FGF14: variants seen among roughly 807,000 people sequenced by gnomAD.
FGF14 encodes fibroblast growth factor homologous factor 4.
FGF14 carries 5 observed loss-of-function variants against 25.5 expected under a neutral mutation model. The ratio of observed to expected loss-of-function variants is 0.20; its 90% CI spans 0.10 to 0.41. The LOEUF (loss-of-function observed/expected upper bound fraction) is 0.41, where lower values mean the gene tolerates loss of function less well. Ranked by LOEUF, FGF14 falls within the 10% of genes least tolerant of loss-of-function variation. FGF14 has a pLI of 1.00. For missense variants in FGF14, 222 were observed against 320.1 expected (o/e 0.69, Z 2.34); for synonymous variants, 138 against 118.3 (o/e 1.17, Z -1.08).
chr13:101,724,354 ACAC>A (rs977732086), intron 4 of FGF14, among the ~76,000 whole-genome samples: 60 of 151,356 alleles, frequency 4.0e-4, no homozygotes, highest in African/African-American at 1.4e-3. Context: ...AAAAAACCAA[ACAC>A]CACATGTTCT....
At position 101,968,369 on chromosome 13, in the gene FGF14, C is replaced by T. The variant is rs906701778; in HGVS notation, c.209-93073G>A. Among the ~76,000 whole-genome samples, 17 of 152,012 alleles carry T rather than the reference C, an allele frequency of 1.1e-4. No homozygotes were observed. The South Asian group carries it at 2.5e-3, about 22-fold the overall frequency. On this transcript the variant is annotated intron_variant, in intron 1 of 4. Coordinates refer to the FGF14 transcript ENST00000376131. ...AAATCTTATTTTAACAGCTACTGAA[C>T]ACATTAAAAAAAATACAGCTTAGGC...
intron 3 of FGF14, among the ~76,000 whole-genome samples, chr13:101,860,965 G>A (rs570121177): frequency 8.5e-5 from 13 of 152,186 alleles, no homozygotes; most frequent in Middle Eastern, 6.8e-3. Flanking sequence ...AATTCAGCTA[G>A]TATTCTGCTC....
intron 1 of FGF14, among the ~76,000 whole-genome samples, chr13:101,938,956 A>G (rs749185184): frequency 1.3e-5 from 2 of 152,208 alleles, no homozygotes; most frequent in Non-Finnish European, 2.9e-5. Flanking sequence ...TTCAGTTATC[A>G]TAATGGAGTG....
At position 102,286,979 on chromosome 13, in the gene FGF14, TGGGGGA is replaced by T. The variant is rs890531466; in HGVS notation, c.208+114486_208+114491del. Among the ~76,000 whole-genome samples, 9 of 115,440 alleles carry T rather than the reference TGGGGGA, an allele frequency of 7.8e-5. No individual in the cohort carries two copies. In the Admixed American group the frequency reaches 9.0e-4, roughly 12 times the overall value. 75.7% of individuals were successfully genotyped at this position (115,440 alleles called of 152,430 possible). On this transcript the variant is annotated intron_variant, in intron 1 of 4. Coordinates refer to the FGF14 transcript ENST00000376131. ...TGTGATATTTGAGCTTTAATAGTCATGGGGGAGGGGGAGGGGGAGGGATAGCATTAG... is the reference window on the plus strand; with the variant it reads ...TGTGATATTTGAGCTTTAATAGTCATGGGGGAGGGGGAGGGATAGCATTAG...
intron 1 of FGF14, among the ~76,000 whole-genome samples, chr13:102,261,324 A>G (rs2052705331): frequency 6.6e-6 from 1 of 152,222 alleles, no homozygotes; most frequent in African/African-American, 2.4e-5. Context: ...TGGATGTTGT[A>G]GAAGAAAATC....
At chr13:101,846,238 G>T (rs1291219756) in intron 3 of FGF14, among the ~76,000 whole-genome samples, 1 of 151,642 alleles carries the variant, frequency 6.6e-6, no homozygotes, top group Non-Finnish European at 1.5e-5. Flanking sequence ...CAAAGCTCCA[G>T]GTGATTTTTT....
At chr13:101,776,544 G>C (rs79813190) in intron 3 of FGF14, among the ~76,000 whole-genome samples, 8 of 152,148 alleles carry the variant, frequency 5.3e-5, no homozygotes, top group African/African-American at 1.9e-4. Flanking sequence ...AGCCTTCGAG[G>C]GTGTCTCCTT....
At chr13:101,815,021 C>A (rs1376211254) in intron 3 of FGF14, among the ~76,000 whole-genome samples, 1 of 152,192 alleles carries the variant, frequency 6.6e-6, no homozygotes, top group Non-Finnish European at 1.5e-5. Context: ...TGTGTACCAA[C>A]AAGGTGGGTA....
intron 3 of FGF14, among the ~76,000 whole-genome samples, chr13:101,768,125 A>T (rs529238676): frequency 6.6e-6 from 1 of 152,270 alleles, no homozygotes; most frequent in South Asian, 2.1e-4. Context: ...ACATAAGATA[A>T]AATATCTATT....
chr13:102,089,155 A>G (rs568040640), intron 1 of FGF14, among the ~76,000 whole-genome samples: 1 of 151,908 alleles, frequency 6.6e-6, no homozygotes, highest in South Asian at 2.1e-4. Context: ...TCTATTTTAA[A>G]TATTTGTTTG....
At chr13:101,790,879 A>G (rs964689423) in intron 3 of FGF14, among the ~76,000 whole-genome samples, 2 of 152,146 alleles carry the variant, frequency 1.3e-5, no homozygotes, top group East Asian at 3.8e-4. Flanking sequence ...GCAATTCATT[A>G]TATTTGTTTT....
intron 3 of FGF14, among the ~76,000 whole-genome samples, chr13:101,729,792 T>C (rs988625096): frequency 1.3e-5 from 2 of 152,090 alleles, no homozygotes; most frequent in African/African-American, 4.8e-5. Context: ...ATGAAAACCA[T>C]TTTACACAAA....
At chr13:101,950,704 C>A (rs1173055903) in intron 1 of FGF14, among the ~76,000 whole-genome samples, 3 of 151,198 alleles carry the variant, frequency 2.0e-5, no homozygotes, top group Admixed American at 6.6e-5. Flanking sequence ...CATTTGAATG[C>A]CAAATTTAAA....
At chr13:102,074,529 A>G (rs1318612465) in intron 1 of FGF14, among the ~76,000 whole-genome samples, 1 of 152,188 alleles carries the variant, frequency 6.6e-6, no homozygotes, top group African/African-American at 2.4e-5. Flanking sequence ...AACAAGATAG[A>G]TTTAGTTTAC....
chr13:101,971,002 T>C (rs1001345297), intron 1 of FGF14, among the ~76,000 whole-genome samples: 3 of 152,172 alleles, frequency 2.0e-5, no homozygotes, highest in Admixed American at 1.3e-4. Context: ...CATATGCACA[T>C]AGTTTATATG....
intron 1 of FGF14, among the ~76,000 whole-genome samples, chr13:102,160,130 G>T (rs2047553781): frequency 6.6e-6 from 1 of 152,118 alleles, no homozygotes; most frequent in African/African-American, 2.4e-5. Context: ...GCTCTAAGAA[G>T]GGAAGGAAAT....
At chr13:102,123,692 C>T (rs1044285441) in intron 1 of FGF14, among the ~76,000 whole-genome samples, 30 of 152,182 alleles carry the variant, frequency 2.0e-4, no homozygotes, top group African/African-American at 7.2e-4. Flanking sequence ...TTAGAGATAG[C>T]GGATATCACT....
chr13:102,169,658 G>A (rs1177494672), intron 1 of FGF14, among the ~76,000 whole-genome samples: 1 of 152,040 alleles, frequency 6.6e-6, no homozygotes, highest in Non-Finnish European at 1.5e-5. Context: ...AAAGAAGTGG[G>A]GTTTTTTTTG....
In FGF14 at chr13:101,916,670, G is replaced by A. The variant is rs1449792463; in HGVS notation, c.-25C>T. 2 of 1,494,530 alleles carry A rather than the reference G, an allele frequency of 1.3e-6. No individual in the cohort carries two copies. Among genetic ancestry groups the A allele is most frequent in the East Asian group, 2.5e-5 (1 of 40,372 alleles). 92.6% of individuals were successfully genotyped at this position (1,494,530 alleles called of 1,614,324 possible). On this transcript the variant is annotated 5_prime_UTR_variant, in exon 1 of 5. Transcript: ENST00000376143. ...TGGTGGCCCCGGGAACGGGTCCGGG[G>A]AGGGAGGGCGCGGGAGGACGGCGAG...
Sources: gnomAD v4.1 joint callset for allele counts (sites outside exome capture counted in the v4.1 genomes callset) on GRCh38, gnomAD v4.1.1 for gene constraint, MANE v1.5 for transcripts, NCBI Gene and HGNC (gene_info 2026-07-23, HGNC 2026-07-21) for gene names.